The following MMP21 variants were observed in gnomAD, a reference collection of about 807,000 sequenced individuals.
MMP21 encodes the protein matrix metalloproteinase-21.
Under a neutral mutation model 47.8 loss-of-function variants are expected in MMP21, and 40 were observed. That is an observed-to-expected ratio of 0.84 (90% CI 0.65 to 1.09). The LOEUF (loss-of-function observed/expected upper bound fraction) is 1.09, where lower values mean the gene tolerates loss of function less well. Ranked by LOEUF, MMP21 falls within the 50% of genes least tolerant of loss-of-function variation. The pLI is 0.00. For missense variants in MMP21, 747 were observed against 775.3 expected (o/e 0.96, Z 0.43); for synonymous variants, 341 against 318.0 (o/e 1.07, Z -0.77).
chr10:125,771,231 C>A (rs575554061), intron 4 of MMP21, among the ~76,000 whole-genome samples: 1 of 152,082 alleles, frequency 6.6e-6, no homozygotes. Context: ...TCCCTTGACA[C>A]CTTGATGGCA....
chr10:125,768,766 T>C (rs997826023), intron 5 of MMP21, among the ~76,000 whole-genome samples: 1 of 152,254 alleles, frequency 6.6e-6, no homozygotes, highest in African/African-American at 2.4e-5. Context: ...TCTATAATTA[T>C]GATTCTTTGA....
At position 125,767,623 on chromosome 10, in the gene MMP21, A is replaced by G. The variant is rs2133780368; in HGVS notation, c.1319T>C (p.Ile440Thr). Residue 440 changes from isoleucine to threonine, a missense_variant, in exon 6 of 7, where the codon ATT (isoleucine) becomes ACT (threonine). Transcript: ENST00000368808. ...DEQGKSYPKLISEGFPGIPSP... is the reference protein window; with the variant it reads ...DEQGKSYPKLTSEGFPGIPSP... ...TGGGATGCCAGGAAATCCTTCTGAA[A>G]TCAATTTGGGATAGCTTTTTCCTTG... 2.5e-6 allele frequency: 4 copies of G among 1,614,222 alleles called. No homozygotes were observed. In the East Asian group the frequency reaches 8.9e-5, roughly 36 times the overall value.
intron 5 of MMP21, among the ~76,000 whole-genome samples, chr10:125,769,270 C>T (rs1173200886): frequency 6.6e-6 from 1 of 152,154 alleles, no homozygotes; most frequent in East Asian, 1.9e-4. Flanking sequence ...TTCCCCATGA[C>T]CCCCCAGGCT....
In MMP21 at chr10:125,774,285, C is replaced by T. The variant is rs905718818; in HGVS notation, c.243G>A (p.Lys81=). The T allele has an allele frequency of 1.4e-6, 2 of 1,420,798 alleles. No homozygotes were observed. Among genetic ancestry groups the T allele is most frequent in the East Asian group, 3.0e-5 (1 of 33,256 alleles). 88.0% of individuals were successfully genotyped at this position (1,420,798 alleles called of 1,614,324 possible). A position where few individuals can be genotyped will look rare whatever the true frequency, so the allele number is the denominator to read the frequency against. ...GCACCGCCTCGGCCAGGGCGGCGCC[C>T]TTGGGGGTCTCCGGCGGCCCCTCGG... ...PSPEGPPETP[K]GAALAEAVRR... The change falls in exon 2 of 7, where the codon AAG becomes AAA. Residue 81 remains lysine (K), a synonymous_variant. Transcript: ENST00000368808.
intron 5 of MMP21, among the ~76,000 whole-genome samples, chr10:125,768,515 T>C (rs1460697025): frequency 6.6e-6 from 1 of 152,232 alleles, no homozygotes; most frequent in Non-Finnish European, 1.5e-5. Context: ...TAGATCCACT[T>C]AGATGCTTTG....
In MMP21 at chr10:125,766,588, A is replaced by G; in HGVS notation, c.*74T>C. ...TGCCATATTTTCTTCAGCTACTGAA[A>G]ATCCGGTTTTCTTTGTAAACAGTAT... On this transcript the variant is annotated 3_prime_UTR_variant, in exon 7 of 7. Transcript: ENST00000368808. The G allele has an allele frequency of 7.6e-7, 1 of 1,308,498 alleles. No individual in the cohort carries two copies. Among genetic ancestry groups the G allele is most frequent in the Non-Finnish European group, 1.0e-6 (1 of 966,602 alleles). 81.1% of individuals were successfully genotyped at this position (1,308,498 alleles called of 1,614,324 possible). A position where few individuals can be genotyped will look rare whatever the true frequency, so the allele number is the denominator to read the frequency against.
At position 125,766,747 on chromosome 10, in the gene MMP21, G is replaced by T; in HGVS notation, c.1625C>A (p.Pro542His). The T allele has an allele frequency of 6.2e-7, 1 of 1,613,902 alleles. No individual in the cohort carries two copies. Among genetic ancestry groups the T allele is most frequent in the South Asian group, 1.1e-5 (1 of 90,968 alleles). The stretch of plus-strand genomic sequence containing the variant: ...CTTTTTTGGAAATAAGCCATTAGCA[G>T]GAAGCCAGGAATTCTGTTGTTTGTC... ...DKDKQQNSWLPANGLFPKKFI... is the reference protein window; with the variant it reads ...DKDKQQNSWLHANGLFPKKFI... Residue 542 changes from proline (P) to histidine (H), a missense_variant, in exon 7 of 7, where the codon CCT (proline) becomes CAT (histidine). Physicochemically the swap from Pro to His is moderately conservative, Grantham distance 77. Coordinates refer to ENST00000368808, the MANE Select transcript of MMP21 (RefSeq NM_147191.1).
At chr10:125,771,591 A>G (rs140849224) in intron 4 of MMP21, among the ~76,000 whole-genome samples, 1 of 152,042 alleles carries the variant, frequency 6.6e-6, no homozygotes, top group Non-Finnish European at 1.5e-5. Context: ...TATGGTAGAG[A>G]AAGGGTTTCA....
chr10:125,775,793 G>A lies in MMP21; in HGVS notation c.29C>T (p.Thr10Ile), dbSNP rs955191361. MLAASIFRP[T>I]LLLCWLAAPW... Reference sequence around the variant, plus strand: ...AGCAGCCAGCCAGCAGAGCAGCAGTGTCGGACGGAAGATGGAGGCGGCGAG... The same window carrying A: ...AGCAGCCAGCCAGCAGAGCAGCAGTATCGGACGGAAGATGGAGGCGGCGAG... Residue 10 changes from threonine (T) to isoleucine (I), a missense_variant, in exon 1 of 7, where the codon ACA (threonine) becomes ATA (isoleucine). Physicochemically the swap from Thr to Ile is moderately conservative, Grantham distance 89. Coordinates refer to ENST00000368808, the MANE Select transcript of MMP21 (RefSeq NM_147191.1). The A allele has an allele frequency of 6.2e-7, 1 of 1,612,234 alleles. No individual in the cohort carries two copies. Among genetic ancestry groups the A allele is most frequent in the Middle Eastern group, 1.7e-4 (1 of 6,052 alleles).
chr10:125,771,214 G>A (rs556895212), intron 4 of MMP21, among the ~76,000 whole-genome samples: 3 of 152,216 alleles, frequency 2.0e-5, no homozygotes, highest in East Asian at 3.9e-4. Flanking sequence ...TATAGCTACT[G>A]AATGCCTCCC....
chr10:125,767,131 C>T (rs556496085), intron 6 of MMP21, among the ~76,000 whole-genome samples, 170 bp from the exon 7 acceptor site: 2 of 151,678 alleles, frequency 1.3e-5, no homozygotes, highest in South Asian at 2.1e-4. Context: ...AGTGAGTACA[C>T]GTTTTTTGTT....
chr10:125,770,847 T>C (rs1391561173), intron 4 of MMP21, among the ~76,000 whole-genome samples: 2 of 134,562 alleles, frequency 1.5e-5, no homozygotes, highest in Non-Finnish European at 3.2e-5. Flanking sequence ...ACCCAGTGTC[T>C]ACAAAAAAAA....
intron 5 of MMP21, among the ~76,000 whole-genome samples, chr10:125,769,519 C>T (rs1056928059): frequency 2.0e-5 from 3 of 152,212 alleles, no homozygotes; most frequent in African/African-American, 7.2e-5. Context: ...CACGGCTTCG[C>T]TTCTGCTGCT....
rs780472382 is a variant in MMP21 at position 125,772,563 on chromosome 10, A to G, written c.837+48T>C. ...GCTTGGACTTTTTGGACGTCAGCCC[A>G]TGAGCACTGCTGGTGTCTTATCAAC... On this transcript the variant is annotated intron_variant, in intron 3 of 6. Coordinates refer to ENST00000368808, the MANE Select transcript of MMP21 (RefSeq NM_147191.1). The surrounding 1 kb of genome is among the most constrained non-coding windows in gnomAD (Gnocchi z 5.6). The G allele has an allele frequency of 3.1e-6, 5 of 1,611,080 alleles. 1 individual carries two copies. Among genetic ancestry groups the G allele is most frequent in the South Asian group, 2.2e-5 (2 of 91,068 alleles).
intron 4 of MMP21, 122 bp from the exon 5 acceptor site, chr10:125,770,713 C>A: frequency 1.8e-6 from 2 of 1,109,716 alleles, no homozygotes; most frequent in African/African-American, 3.1e-5. Context: ...CACCTTAAAG[C>A]AAGACACCAT....
chr10:125,769,774 G>T (rs1850425977), intron 5 of MMP21, among the ~76,000 whole-genome samples: 1 of 152,114 alleles, frequency 6.6e-6, no homozygotes, highest in Non-Finnish European at 1.5e-5. Context: ...GCAGGGCAGG[G>T]CCCTTTCTTA....
chr10:125,774,131 G>C lies in MMP21; in HGVS notation c.397C>G (p.Pro133Ala). 1 of 1,296,192 alleles carries C rather than the reference G, an allele frequency of 7.7e-7. No individual in the cohort carries two copies. Among genetic ancestry groups the C allele is most frequent in the African/African-American group, 1.6e-5 (1 of 64,270 alleles). 80.3% of individuals were successfully genotyped at this position (1,296,192 alleles called of 1,614,324 possible). ...CGGGCTCTGGGGGGCGGGCCCGGGG[G>C]CGAAGGCGGGGCGGAGGGGGGCGGT... ...RPPPPSAPPS[P>A]PGPPPRARSR... Residue 133 changes from proline (P) to alanine (A), a missense_variant, in exon 2 of 7, where the codon CCC (proline) becomes GCC (alanine). By Grantham distance (27) the Pro-to-Ala change is conservative. Coordinates refer to ENST00000368808, the MANE Select transcript of MMP21 (RefSeq NM_147191.1).
chr10:125,770,645 A>T, intron 4 of MMP21, 54 bp from the exon 5 acceptor site: 2 of 1,581,554 alleles, frequency 1.3e-6, no homozygotes, highest in Admixed American at 1.8e-5. Context: ...TGCAAAACTT[A>T]TATTTTCATA....
At chr10:125,769,336 T>C (rs900998024) in intron 5 of MMP21, among the ~76,000 whole-genome samples, 1 of 152,190 alleles carries the variant, frequency 6.6e-6, no homozygotes, top group East Asian at 1.9e-4. Flanking sequence ...GTTGAGCAAT[T>C]GCCATTGATG....
Sources: gnomAD v4.1 joint callset for allele counts (sites outside exome capture counted in the v4.1 genomes callset) on GRCh38, gnomAD v4.1.1 for gene constraint, Gnocchi (gnomAD v3.1) non-coding constraint, MANE v1.5 for transcripts, NCBI Gene and HGNC (gene_info 2026-07-23, HGNC 2026-07-21) for gene names.